The following DENND2A variants were observed in gnomAD, a reference collection of about 807,000 sequenced individuals.
DENND2A encodes DENN domain-containing protein 2A.
Under a neutral mutation model 105.3 loss-of-function variants are expected in DENND2A, and 53 were observed. The ratio of observed to expected loss-of-function variants is 0.50; its 90% CI spans 0.40 to 0.63. The LOEUF (loss-of-function observed/expected upper bound fraction) is 0.63, where lower values mean the gene tolerates loss of function less well. Ranked by LOEUF, DENND2A falls within the 30% of genes least tolerant of loss-of-function variation. The probability of loss-of-function intolerance (pLI) is 0.00; values close to 1 mark genes in which losing one functional copy is unlikely to be tolerated. For synonymous variants in DENND2A, 522 were observed against 508.4 expected, an observed-to-expected ratio of 1.03 and a Z score of -0.36; for missense variants, 1,138 against 1,279.6, an observed-to-expected ratio of 0.89 and a Z score of 1.69.
chr7:140,555,741 A>G lies in DENND2A; in HGVS notation c.1960-28T>C, dbSNP rs1293798785. 3.2e-6 allele frequency: 5 copies of G among 1,576,212 alleles called. No individual in the cohort carries two copies. The East Asian group carries it at 6.9e-5, about 22-fold the overall frequency. On this transcript the variant is annotated intron_variant, in intron 11 of 19. Transcript: ENST00000496613. The stretch of plus-strand genomic sequence containing the variant: ...TTTCGGAGAGAAACACAAGGGAATT[A>G]TGAGTGTTGACAACCTCAGGGAAGA...
chr7:140,601,353 C>T (rs778791391), intron 3 of DENND2A, 50 bp downstream of exon 3: 1 of 1,528,662 alleles, frequency 6.5e-7, no homozygotes, highest in Admixed American at 2.1e-5. Context: ...GGACACAAAC[C>T]ACTGAGAGAG....
intron 9 of DENND2A, among the ~76,000 whole-genome samples, chr7:140,564,294 A>ATAC (rs60977409): frequency 0.42 from 58,161 of 140,066 alleles, 12,266 homozygotes; most frequent in African/African-American, 0.51. Flanking sequence ...AAAAAAAAAA[A>ATAC]AAATACACAC....
At chr7:140,587,613 G>A in intron 4 of DENND2A, 40 bp downstream of exon 4, 1 of 1,611,054 alleles carries the variant, frequency 6.2e-7, no homozygotes, top group Non-Finnish European at 8.5e-7. Context: ...CTTTCTCCCA[G>A]ACAGACTCAG....
intron 4 of DENND2A, among the ~76,000 whole-genome samples, chr7:140,586,366 AACACACACACACACACAC>A (rs10524571): frequency 0.026 from 3,600 of 139,624 alleles, 161 homozygotes; most frequent in African/African-American, 0.09. Flanking sequence ...TAAAAAAGAA[AACACACACACACACACAC>A]ACACACACAC....
chr7:140,603,602 C>T lies in DENND2A; in HGVS notation c.-145-1060G>A, dbSNP rs1799596241. On this transcript the variant is annotated intron_variant, in intron 2 of 19. Transcript: ENST00000496613. Reference sequence around the variant, plus strand: ...TTTTGGCCTGTTGTAGCCAAGTCTGCACCCCTAGCACCCAAAACAATACCT... The same window carrying T: ...TTTTGGCCTGTTGTAGCCAAGTCTGTACCCCTAGCACCCAAAACAATACCT... Among the ~76,000 whole-genome samples, 4 of 152,254 alleles carry T rather than the reference C, an allele frequency of 2.6e-5. No homozygotes were observed. The South Asian group carries it at 8.3e-4, about 31-fold the overall frequency.
At chr7:140,607,974 A>G (rs1799753750) in intron 1 of DENND2A, among the ~76,000 whole-genome samples, 1 of 152,168 alleles carries the variant, frequency 6.6e-6, no homozygotes, top group African/African-American at 2.4e-5. Flanking sequence ...CTGGGTCACA[A>G]TCAATCCTGT....
intron 3 of DENND2A, among the ~76,000 whole-genome samples, chr7:140,597,063 A>G (rs34623745): frequency 1.3e-5 from 2 of 152,200 alleles, no homozygotes. Flanking sequence ...AAAAGAGAAG[A>G]CAGCAAATAG....
At chr7:140,529,687 G>GC (rs1435408868) in intron 14 of DENND2A, among the ~76,000 whole-genome samples, 1 of 151,690 alleles carries the variant, frequency 6.6e-6, no homozygotes, top group African/African-American at 2.4e-5. Flanking sequence ...GCAAACTATC[G>GC]CAAGAACAAA....
At chr7:140,530,737 C>CT (rs199738093) in intron 14 of DENND2A, among the ~76,000 whole-genome samples, 4,871 of 146,172 alleles carry the variant, frequency 0.033, 139 homozygotes, top group African/African-American at 0.082. Flanking sequence ...CTGTGTCTTT[C>CT]TTTTTTTTTT....
At chr7:140,538,568 G>A (rs149485737) in intron 14 of DENND2A, among the ~76,000 whole-genome samples, 1 of 151,528 alleles carries the variant, frequency 6.6e-6, no homozygotes. Context: ...GTGTAGCGGT[G>A]TGATCTCAGC....
intron 13 of DENND2A, among the ~76,000 whole-genome samples, chr7:140,546,444 T>C (rs1413193945): frequency 6.6e-6 from 1 of 152,030 alleles, no homozygotes; most frequent in Non-Finnish European, 1.5e-5. Context: ...AATAAAGTTA[T>C]AGAGGTGATA....
intron 9 of DENND2A, among the ~76,000 whole-genome samples, chr7:140,561,498 C>CTTT (rs536896244): frequency 1.7e-4 from 17 of 102,498 alleles, no homozygotes; most frequent in Admixed American, 2.3e-4. Flanking sequence ...TTTCTGTTGT[C>CTTT]TTTTTTTTTT....
rs779193196 is a variant in DENND2A, at chr7:140,525,735, C to T, written c.2547+16G>A. On this transcript the variant is annotated intron_variant, in intron 16 of 19. Transcript: ENST00000496613. The stretch of plus-strand genomic sequence containing the variant: ...AAAGACAAAGGGAGCAGGAGGCCGT[C>T]GCTGGCCTCACTCACCTGTCTGAGG... 8.1e-6 allele frequency: 13 copies of T among 1,603,984 alleles called. No homozygotes were observed. The Middle Eastern group carries it at 5.0e-4, about 61-fold the overall frequency.
chr7:140,627,625 A>G (rs1226789432), intron 1 of DENND2A, among the ~76,000 whole-genome samples: 1 of 151,936 alleles, frequency 6.6e-6, no homozygotes. Context: ...AAGCTCAAGC[A>G]GTCCTCCTGC....
chr7:140,584,277 T>C (rs1798682483), intron 5 of DENND2A, among the ~76,000 whole-genome samples: 1 of 152,090 alleles, frequency 6.6e-6, no homozygotes, highest in African/African-American at 2.4e-5. Context: ...CAACAAAGGT[T>C]GATTGAAATA....
intron 11 of DENND2A, among the ~76,000 whole-genome samples, chr7:140,556,190 G>A (rs1171303359): frequency 6.6e-6 from 1 of 150,602 alleles, no homozygotes; most frequent in African/African-American, 2.4e-5. Context: ...ACTAATTTTT[G>A]TACTTTTAGT....
chr7:140,584,731 GCA>G (rs1349030664), intron 5 of DENND2A, among the ~76,000 whole-genome samples: 3 of 152,018 alleles, frequency 2.0e-5, no homozygotes. Flanking sequence ...TTGGGTATCC[GCA>G]CAGAGATTTT....
intron 1 of DENND2A, among the ~76,000 whole-genome samples, chr7:140,622,703 G>T (rs1176428888): frequency 6.6e-6 from 1 of 151,922 alleles, no homozygotes; most frequent in Non-Finnish European, 1.5e-5. Context: ...AACCCTCTAG[G>T]GGGACACTGA....
chr7:140,634,668 C>T (rs1800853836), intron 1 of DENND2A, among the ~76,000 whole-genome samples: 1 of 151,222 alleles, frequency 6.6e-6, no homozygotes, highest in Non-Finnish European at 1.5e-5. Flanking sequence ...GTCAGGAGTT[C>T]CAAACCAGCC....
Sources: gnomAD v4.1 joint callset for allele counts (sites outside exome capture counted in the v4.1 genomes callset) on GRCh38, gnomAD v4.1.1 for gene constraint, MANE v1.5 for transcripts, NCBI Gene and HGNC (gene_info 2026-07-23, HGNC 2026-07-21) for gene names.